The following MAGI1 variants were observed in gnomAD, a reference collection of about 807,000 sequenced individuals.
MAGI1 encodes the protein membrane-associated guanylate kinase, WW and PDZ domain-containing protein 1.
Under a neutral mutation model 139.9 loss-of-function variants are expected in MAGI1, and 58 were observed. The observed-to-expected ratio is 0.41, with a 90% confidence interval of 0.34 to 0.52. The LOEUF (loss-of-function observed/expected upper bound fraction) is 0.52, where lower values mean the gene tolerates loss of function less well. Ranked by LOEUF, MAGI1 falls within the 20% of genes least tolerant of loss-of-function variation. The pLI is 0.12. For missense variants in MAGI1, 1,874 were observed against 1,901.6 expected (o/e 0.99, Z 0.27); for synonymous variants, 812 against 737.9 (o/e 1.10, Z -1.63).
rs143850834 is a variant in MAGI1, at chr3:65,687,570, T to A, written c.314-65482A>T. 7.6e-5 allele frequency: 29 copies of A among 382,384 alleles called. No individual in the cohort carries two copies. In the East Asian group the frequency reaches 2.0e-3, roughly 27 times the overall value. 23.7% of individuals were successfully genotyped at this position (382,384 alleles called of 1,614,324 possible). ...AACAATGTGATTGACAATCTGTGGC[T>A]CCAGGGACATCTGAAGTGCAAATTG... On this transcript the variant is annotated intron_variant, in intron 1 of 22. Coordinates refer to ENST00000402939, the MANE Select transcript of MAGI1 (RefSeq NM_001033057.2).
At chr3:65,873,874 T>C (rs1168784381) in intron 1 of MAGI1, 3 of 151,728 alleles carry the variant, frequency 2.0e-5, no homozygotes, top group African/African-American at 4.9e-5. Context: ...TTAGAAGATA[T>C]AAAAGTAAAT....
intron 1 of MAGI1, among the ~76,000 whole-genome samples, chr3:65,725,713 G>C (rs1354560330): frequency 6.6e-6 from 1 of 152,194 alleles, no homozygotes; most frequent in Non-Finnish European, 1.5e-5. Flanking sequence ...CACTCTGCCA[G>C]ATCCTGGAAT....
intron 1 of MAGI1, among the ~76,000 whole-genome samples, chr3:65,820,411 T>C (rs12485806): frequency 0.49 from 75,019 of 151,834 alleles, 19,686 homozygotes; most frequent in East Asian, 0.77. Flanking sequence ...ATGGGCAGTG[T>C]GATCCTCCAT....
chr3:65,547,514 T>C (rs1213255313), intron 2 of MAGI1, among the ~76,000 whole-genome samples: 1 of 152,182 alleles, frequency 6.6e-6, no homozygotes, highest in African/African-American at 2.4e-5. Context: ...CATCTGGGTA[T>C]TCTTTTTTGT....
chr3:65,388,641 G>A (rs967103560), intron 14 of MAGI1, among the ~76,000 whole-genome samples: 1 of 151,956 alleles, frequency 6.6e-6, no homozygotes, highest in African/African-American at 2.4e-5. Flanking sequence ...GCCAGGGGGA[G>A]GTCTCATCAT....
intron 1 of MAGI1, among the ~76,000 whole-genome samples, chr3:66,019,912 C>T (rs1366825987): frequency 3.0e-5 from 4 of 134,504 alleles, no homozygotes; most frequent in Admixed American, 8.2e-5. Flanking sequence ...ACAGCACCTC[C>T]CTCTTCCTTA....
At chr3:65,469,116 G>C (rs1437783593) in intron 5 of MAGI1, among the ~76,000 whole-genome samples, 3 of 152,050 alleles carry the variant, frequency 2.0e-5, no homozygotes, top group Admixed American at 1.3e-4. Flanking sequence ...AGAACTTTCT[G>C]TGCCTAGAAC....
chr3:65,898,467 T>TA (rs1006102652), intron 1 of MAGI1, among the ~76,000 whole-genome samples: 3 of 152,072 alleles, frequency 2.0e-5, no homozygotes, highest in South Asian at 2.1e-4. Context: ...TATGTACGTG[T>TA]AAAAAAATTA....
In MAGI1 at chr3:65,837,660, G is replaced by A. The variant is rs150710828; in HGVS notation, c.313+200336C>T. Among the ~76,000 whole-genome samples, 222 of 152,288 alleles carry A rather than the reference G, an allele frequency of 1.5e-3. 1 individual carries two copies. The highest frequency in any genetic ancestry group is 4.7e-3 in the African/African-American group (197 of 41,548). ...AACACTAAATACGAATGCAAAGCGC[G>A]AAGTAACTCAAATTTGCCATTTTCT... On this transcript the variant is annotated intron_variant, in intron 1 of 22. Coordinates refer to ENST00000402939, the MANE Select transcript of MAGI1 (RefSeq NM_001033057.2).
At chr3:65,926,994 T>A (rs1286201810) in intron 1 of MAGI1, among the ~76,000 whole-genome samples, 2 of 152,218 alleles carry the variant, frequency 1.3e-5, no homozygotes, top group East Asian at 1.9e-4. Flanking sequence ...AAACTCTGTC[T>A]CAAATAAATA....
chr3:65,778,668 A>G (rs1224590766), intron 1 of MAGI1, among the ~76,000 whole-genome samples: 1 of 152,158 alleles, frequency 6.6e-6, no homozygotes, highest in East Asian at 1.9e-4. Flanking sequence ...CACAGTTCAA[A>G]CTTAGACCTA....
chr3:65,840,318 G>A (rs778891777), intron 1 of MAGI1, among the ~76,000 whole-genome samples: 6 of 152,072 alleles, frequency 3.9e-5, no homozygotes, highest in Non-Finnish European at 5.9e-5. Context: ...TGGAGAAAAC[G>A]GACATCTATG....
chr3:65,672,919 T>TG (rs1432390116), intron 1 of MAGI1, among the ~76,000 whole-genome samples: 1 of 152,218 alleles, frequency 6.6e-6, no homozygotes, highest in Admixed American at 6.5e-5. Flanking sequence ...TTAGGTGATA[T>TG]GCCACCAGGC....
At chr3:65,773,638 A>G (rs550495052) in intron 1 of MAGI1, among the ~76,000 whole-genome samples, 1 of 152,300 alleles carries the variant, frequency 6.6e-6, no homozygotes, top group Admixed American at 6.5e-5. Context: ...CTGTGATGCT[A>G]ATGTATATGC....
rs1952244888 is a variant in MAGI1 at position 65,494,017 on chromosome 3, G to C, written c.431-386C>G. Among the ~76,000 whole-genome samples, 3 of 152,198 alleles carry C rather than the reference G, an allele frequency of 2.0e-5. No individual in the cohort carries two copies. The South Asian group carries it at 6.2e-4, about 32-fold the overall frequency. ...AAAACGTATCCACCTTAAGCTCAGA[G>C]CCTAAGGGGTTTGTGTTTTTATCAC... On this transcript the variant is annotated intron_variant, in intron 2 of 22. Transcript: ENST00000402939.
intron 1 of MAGI1, among the ~76,000 whole-genome samples, chr3:65,722,593 G>T (rs574192184): frequency 2.4e-4 from 37 of 152,186 alleles, no homozygotes; most frequent in Non-Finnish European, 3.8e-4. Flanking sequence ...TGATCACACC[G>T]CTGCGCTCCA....
chr3:65,373,772 C>G (rs1942225793), intron 18 of MAGI1, among the ~76,000 whole-genome samples: 1 of 152,126 alleles, frequency 6.6e-6, no homozygotes, highest in Non-Finnish European at 1.5e-5. Flanking sequence ...GAATGAACTC[C>G]AGACCAGTTG....
intron 1 of MAGI1, among the ~76,000 whole-genome samples, chr3:65,919,121 A>G (rs1560012723): frequency 6.6e-6 from 1 of 152,228 alleles, no homozygotes; most frequent in Non-Finnish European, 1.5e-5. Context: ...TGCTCAACAG[A>G]ATTTCACTGG....
At chr3:65,914,824 T>C (rs1251057996) in intron 1 of MAGI1, among the ~76,000 whole-genome samples, 1 of 152,174 alleles carries the variant, frequency 6.6e-6, no homozygotes, top group Non-Finnish European at 1.5e-5. Context: ...CAGAGTTCAA[T>C]TGCTTAGAGT....
Sources: gnomAD v4.1 joint callset for allele counts (sites outside exome capture counted in the v4.1 genomes callset) on GRCh38, gnomAD v4.1.1 for gene constraint, MANE v1.5 for transcripts, NCBI Gene and HGNC (gene_info 2026-07-23, HGNC 2026-07-21) for gene names.